The following LRP2 variants were observed in gnomAD, a reference collection of about 807,000 sequenced individuals.
LRP2 encodes low-density lipoprotein receptor-related protein 2.
In LRP2, 172 loss-of-function variants were observed where a neutral mutation model predicts 531.0. The ratio of observed to expected loss-of-function variants is 0.32; its 90% CI spans 0.29 to 0.37. LRP2 has a LOEUF of 0.37. Among genes scored for constraint, LRP2 ranks in the 10% least tolerant of loss-of-function variants. LRP2 has a pLI of 1.00. For synonymous variants in LRP2, 1,992 were observed against 2,027.6 expected, an observed-to-expected ratio of 0.98 and a Z score of 0.47; for missense variants, 5,167 against 5,868.3, an observed-to-expected ratio of 0.88 and a Z score of 3.90.
intron 25 of LRP2, 162 bp downstream of exon 25, chr2:169,240,826 G>C: frequency 1.2e-6 from 1 of 803,360 alleles, no homozygotes. Flanking sequence ...CAATGGTGAT[G>C]TATTTGAATT....
chr2:169,285,357 C>G (rs1683827450), intron 9 of LRP2, among the ~76,000 whole-genome samples: 1 of 151,866 alleles, frequency 6.6e-6, no homozygotes, highest in South Asian at 2.1e-4. Flanking sequence ...AAGATTGTAT[C>G]CTTGGATCAC....
In LRP2 at chr2:169,204,250, A is replaced by G. The variant is rs758983972; in HGVS notation, c.7737T>C (p.Thr2579=). 1 of 1,613,392 alleles carries G rather than the reference A, an allele frequency of 6.2e-7. No individual in the cohort carries two copies. The highest frequency in any genetic ancestry group is 1.3e-5 in the African/African-American group (1 of 74,940). Residue 2579 remains threonine, a synonymous_variant, in exon 42 of 79, where the codon ACT becomes ACC. Coordinates refer to ENST00000649046, the MANE Select transcript of LRP2 (RefSeq NM_004525.3). The stretch of plus-strand genomic sequence containing the variant: ...TGACTTCACGATCCACGCCCGTCAG[A>G]GTGCTGCGTTCAATCCTCTGCCTAA... ...DASLQRIERS[T]LTGVDREVIV...
intron 1 of LRP2, among the ~76,000 whole-genome samples, chr2:169,356,334 T>A (rs1685986542): frequency 1.3e-5 from 2 of 152,242 alleles, no homozygotes; most frequent in Admixed American, 6.5e-5. Context: ...CACAGGTGCA[T>A]CATTCTCAGA....
intron 1 of LRP2, among the ~76,000 whole-genome samples, chr2:169,344,515 AT>A (rs1056405965): frequency 9.9e-5 from 15 of 152,180 alleles, no homozygotes; most frequent in African/African-American, 3.4e-4. Context: ...TTTGTATGGT[AT>A]TTTTAATGCA....
chr2:169,280,455 C>G lies in LRP2; in HGVS notation c.1236G>C (p.Arg412Ser), dbSNP rs1245299265. The change falls in exon 11 of 79, where the codon AGG becomes AGC. Residue 412 changes from arginine to serine, a missense_variant. By Grantham distance (110) the Arg-to-Ser change is moderately radical (BLOSUM62 -1). Coordinates refer to ENST00000649046, the MANE Select transcript of LRP2 (RefSeq NM_004525.3). ...RDLLIGDIHGRSFRILVESQN... is the reference protein window; with the variant it reads ...RDLLIGDIHGSSFRILVESQN... Reference sequence around the variant, plus strand: ...GAGACTCCACTAGGATCCGGAAGCTCCTTCCATGAATATCACCAATTAACA... The same window carrying G: ...GAGACTCCACTAGGATCCGGAAGCTGCTTCCATGAATATCACCAATTAACA... 1.9e-6 allele frequency: 3 copies of G among 1,614,170 alleles called. No individual in the cohort carries two copies. In the South Asian group the frequency reaches 3.3e-5, roughly 18 times the overall value.
chr2:169,306,478 G>A (rs757212804), intron 4 of LRP2, among the ~76,000 whole-genome samples: 1 of 152,158 alleles, frequency 6.6e-6, no homozygotes, highest in Non-Finnish European at 1.5e-5. Context: ...AGGTTGCGGT[G>A]AGCCGAGAGC....
chr2:169,284,808 A>G (rs1683808382), intron 9 of LRP2, among the ~76,000 whole-genome samples: 1 of 152,164 alleles, frequency 6.6e-6, no homozygotes, highest in African/African-American at 2.4e-5. Context: ...CAGGAAAAAA[A>G]GTACAGGACA....
In LRP2 at chr2:169,285,677, C is replaced by T. The variant is rs528132141; in HGVS notation, c.1043-2676G>A. Among the ~76,000 whole-genome samples the T allele has an allele frequency of 7.2e-5, 11 of 152,270 alleles. No individual in the cohort carries two copies. In the East Asian group the frequency reaches 7.7e-4, roughly 11 times the overall value. ...TGTGAAACCCCACCATGCTGAATGA[C>T]CTCCCTGCCCTCACTCTGCACCACG... On this transcript the variant is annotated intron_variant, in intron 9 of 78. Coordinates refer to ENST00000649046, the MANE Select transcript of LRP2 (RefSeq NM_004525.3).
intron 3 of LRP2, among the ~76,000 whole-genome samples, chr2:169,308,741 A>G (rs1265742988): frequency 6.6e-6 from 1 of 152,180 alleles, no homozygotes; most frequent in African/African-American, 2.4e-5. Context: ...TATACTCAGT[A>G]ATGGGATGGC....
At chr2:169,170,831 C>A (rs1686970504) in intron 58 of LRP2, among the ~76,000 whole-genome samples, 164 bp from the exon 59 acceptor site, 2 of 151,708 alleles carry the variant, frequency 1.3e-5, no homozygotes, top group Non-Finnish European at 2.9e-5. Flanking sequence ...AGACCTTTCA[C>A]CTTAATTTTG....
chr2:169,289,422 T>C (rs1683943380), intron 8 of LRP2, among the ~76,000 whole-genome samples: 1 of 152,156 alleles, frequency 6.6e-6, no homozygotes, highest in Non-Finnish European at 1.5e-5. Flanking sequence ...CCAGGCACAG[T>C]GGCTCACAAC....
At chr2:169,361,340 G>GTC (rs1240569991) in intron 1 of LRP2, among the ~76,000 whole-genome samples, 3 of 23,260 alleles carry the variant, frequency 1.3e-4, no homozygotes, top group Non-Finnish European at 2.7e-4. Context: ...GTCTCTCTCT[G>GTC]TCTCTCTCTG....
chr2:169,206,653 A>G lies in LRP2; in HGVS notation c.7067T>C (p.Leu2356Pro). ...GTGCAATCCAGGCAGAGCAAAGCAG[A>G]GATGAGAGCACCCACCATTGTTTTC... is the stretch of plus-strand genomic sequence containing the variant. The part of the protein sequence containing the change: ...CLENNGGCSH[L>P]CFALPGLHTP... The change falls in exon 39 of 79, where the codon CTC becomes CCC. Residue 2356 changes from leucine (L) to proline (P), a missense_variant. This residue lies in a region of LRP2 where 2,811 missense variants were observed against 3,058.0 expected (regional missense o/e 0.92). Transcript: ENST00000649046. 1 of 1,614,144 alleles carries G rather than the reference A, an allele frequency of 6.2e-7. No individual in the cohort carries two copies. Among genetic ancestry groups the G allele is most frequent in the Non-Finnish European group, 8.5e-7 (1 of 1,180,016 alleles).
Position 169,205,508 on chromosome 2 carries a change from C to G in LRP2, c.7686G>C (p.Glu2562Asp). The G allele has an allele frequency of 6.2e-7, 1 of 1,614,088 alleles. No individual in the cohort carries two copies. Among genetic ancestry groups the G allele is most frequent in the East Asian group, 2.2e-5 (1 of 44,868 alleles). Residue 2562 changes from glutamate (E) to aspartate (D), a missense_variant, in exon 41 of 79, where the codon GAG (glutamate) becomes GAC (aspartate). By Grantham distance (45) the Glu-to-Asp change is conservative. Coordinates refer to ENST00000649046, the MANE Select transcript of LRP2 (RefSeq NM_004525.3). ...MPSGLTLDYE[E>D]DLLYWVDASL... ...TAGCATCCACCCAGTAGAGAAGGTC[C>G]TCTTCATAGTCCAGAGTCAGCCCAC...
intron 41 of LRP2, 85 bp from the exon 42 acceptor site, chr2:169,204,356 C>G (rs1019807576): frequency 4.0e-6 from 5 of 1,250,680 alleles, no homozygotes; most frequent in African/African-American, 1.5e-5. Flanking sequence ...TGCGCCTCAT[C>G]ATTGTTTACA....
intron 4 of LRP2, among the ~76,000 whole-genome samples, chr2:169,306,259 C>A (rs868501455): frequency 6.6e-5 from 10 of 152,114 alleles, no homozygotes; most frequent in Non-Finnish European, 7.4e-5. Flanking sequence ...AGGGGCCAGA[C>A]ACAGTGGCTC....
chr2:169,327,415 C>T (rs1417826695), intron 1 of LRP2, among the ~76,000 whole-genome samples: 3 of 131,940 alleles, frequency 2.3e-5, no homozygotes, highest in South Asian at 2.5e-4. Context: ...GCCGGGCCAG[C>T]CACCCCGTCC....
chr2:169,159,430 A>G (rs1686490451), intron 63 of LRP2, among the ~76,000 whole-genome samples: 1 of 152,156 alleles, frequency 6.6e-6, no homozygotes, highest in Admixed American at 6.5e-5. Context: ...AATAAAGTAC[A>G]ATGAAATTCA....
chr2:169,239,192 T>A (rs1268248424), intron 26 of LRP2, among the ~76,000 whole-genome samples: 1 of 152,248 alleles, frequency 6.6e-6, no homozygotes, highest in Non-Finnish European at 1.5e-5. Context: ...GAATTAATAC[T>A]GGTTGAATTC....
Sources: gnomAD v4.1 joint callset for allele counts (sites outside exome capture counted in the v4.1 genomes callset) on GRCh38, gnomAD v4.1.1 for gene constraint, gnomAD v4.1.1 regional missense constraint, MANE v1.5 for transcripts, NCBI Gene and HGNC (gene_info 2026-07-23, HGNC 2026-07-21) for gene names.